Variants in DMD observed in about 807,000 individuals in gnomAD.
The protein encoded by DMD is mutant dystrophin.
DMD carries 63 observed loss-of-function variants against 330.1 expected under a neutral mutation model. That is an observed-to-expected ratio of 0.19 (90% CI 0.16 to 0.24). The LOEUF (loss-of-function observed/expected upper bound fraction) is 0.24. DMD is among the 10% of genes least tolerant of loss of function. DMD has a pLI of 1.00. For missense variants in DMD, 3,344 were observed against 2,684.1 expected (o/e 1.25, Z -5.43); for synonymous variants, 1,223 against 959.8 (o/e 1.27, Z -5.07).
At chrX:31,179,217 G>A (rs919222344) in intron 69 of DMD, among the ~76,000 whole-genome samples, 6 of 112,202 alleles carry the variant, frequency 5.3e-5, no homozygotes, top group Non-Finnish European at 5.6e-5. Flanking sequence ...ACTAAATTTC[G>A]GTCTATTCAT....
chrX:32,860,061 A>C (rs1465794856), intron 2 of DMD, among the ~76,000 whole-genome samples: 1 of 111,987 alleles, frequency 8.9e-6, no homozygotes. Context: ...AAGGACCTAA[A>C]AACGAGACAG....
Position 31,368,502 on chromosome X carries a change from A to T in DMD, c.9085-19868T>A, listed in dbSNP as rs748560399. On this transcript the variant is annotated intron_variant, in intron 60 of 78. Coordinates refer to ENST00000357033, the MANE Select transcript of DMD (RefSeq NM_004006.3). ...GTATACACATGCTCTGGCTTTCCATATTTCAGGCTGTAGCTACCTATATCC... is the reference window on the plus strand; with the variant it reads ...GTATACACATGCTCTGGCTTTCCATTTTTCAGGCTGTAGCTACCTATATCC... Among the ~76,000 whole-genome samples, 4 of 111,717 alleles carry T rather than the reference A, an allele frequency of 3.6e-5. No homozygotes were observed. In the Admixed American group the frequency reaches 3.8e-4, roughly 11 times the overall value.
At chrX:32,782,755 T>C (rs1172607030) in intron 7 of DMD, among the ~76,000 whole-genome samples, 1 of 109,186 alleles carries the variant, frequency 9.2e-6, no homozygotes. Flanking sequence ...ACTTCAAGAG[T>C]GTAATTAGTT....
Position 32,381,788 on chromosome X carries a change from CCTT to C in DMD, c.4675-1111_4675-1109del, listed in dbSNP as rs764138519. Among the ~76,000 whole-genome samples the C allele has an allele frequency of 3.6e-5, 4 of 110,850 alleles. No homozygotes were observed. The East Asian group carries it at 8.5e-4, about 24-fold the overall frequency. On this transcript the variant is annotated intron_variant, in intron 33 of 78. Transcript: ENST00000357033. Reference sequence around the variant, plus strand: ...TTCTTTTCTTTGGTATGTGTTTTCACCTTTTTTTAAAAAAAACCCTTGTCTGTC... The same window carrying C: ...TTCTTTTCTTTGGTATGTGTTTTCACTTTTTAAAAAAAACCCTTGTCTGTC...
chrX:32,461,014 C>T (rs746618092), intron 25 of DMD, among the ~76,000 whole-genome samples: 1 of 111,024 alleles, frequency 9.0e-6, no homozygotes, highest in Admixed American at 9.6e-5. Context: ...ATATACATAC[C>T]CTTTAAAATT....
chrX:31,901,453 T>C (rs2094421235), intron 47 of DMD, among the ~76,000 whole-genome samples: 1 of 111,701 alleles, frequency 9.0e-6, no homozygotes, highest in African/African-American at 3.2e-5. Flanking sequence ...CAAGGCCATT[T>C]TGCTTCTGCT....
chrX:32,310,545 A>G lies in DMD; in HGVS notation c.5923-269T>C, dbSNP rs974158812. Reference sequence around the variant, plus strand: ...ATATAAGACGAAAGACCATGAGGTCATAAGGAGAGTAGTTTTATCCTAAGA... The same window carrying G: ...ATATAAGACGAAAGACCATGAGGTCGTAAGGAGAGTAGTTTTATCCTAAGA... On this transcript the variant is annotated intron_variant, in intron 41 of 78. Transcript: ENST00000357033. 4.5e-5 allele frequency among the ~76,000 whole-genome samples: 5 copies of G among 111,626 alleles called. No homozygotes were observed. The Admixed American group carries it at 4.8e-4, about 11-fold the overall frequency.
At chrX:32,344,302 C>T (rs1299841977) in intron 39 of DMD, among the ~76,000 whole-genome samples, 1 of 111,586 alleles carries the variant, frequency 9.0e-6, no homozygotes, top group Non-Finnish European at 1.9e-5. Context: ...TTTTGACCTT[C>T]TCTAAAATAT....
intron 45 of DMD, among the ~76,000 whole-genome samples, chrX:31,950,510 G>A (rs1477269567): frequency 9.0e-6 from 1 of 110,792 alleles, no homozygotes; most frequent in Admixed American, 9.7e-5. Context: ...CAAGCTGGTT[G>A]ATAGTGTTGG....
chrX:32,432,804 T>C (rs1485604541), intron 29 of DMD, among the ~76,000 whole-genome samples: 1 of 112,433 alleles, frequency 8.9e-6, no homozygotes, highest in Non-Finnish European at 1.9e-5. Context: ...TGTTCTTCCG[T>C]TCTGGTCTAT....
At chrX:31,539,825 G>A (rs1293193348) in intron 55 of DMD, among the ~76,000 whole-genome samples, 3 of 112,101 alleles carry the variant, frequency 2.7e-5, no homozygotes, top group Non-Finnish European at 5.6e-5. Context: ...TGGTCATGGT[G>A]CTAGATACTG....
intron 53 of DMD, among the ~76,000 whole-genome samples, chrX:31,675,659 C>A (rs527549237): frequency 1.8e-5 from 2 of 111,474 alleles, no homozygotes; most frequent in African/African-American, 6.5e-5. Flanking sequence ...CCGCGCCCGG[C>A]CTCACCATTC....
At chrX:32,540,166 T>G (rs760065368) in intron 17 of DMD, among the ~76,000 whole-genome samples, 90 of 111,493 alleles carry the variant, frequency 8.1e-4, no homozygotes, top group Non-Finnish European at 1.5e-3. Flanking sequence ...AACTAGATAA[T>G]AGATCTAGTT....
rs139508108 is a variant in DMD, at chrX:31,872,597, A to C, written c.7098+2591T>G. ...GAGTATTTTTTAAACTATTATAATA[A>C]AGAGGCACATTTTAACCAAAGATTG... On this transcript the variant is annotated intron_variant, in intron 48 of 78. Coordinates refer to ENST00000357033, the MANE Select transcript of DMD (RefSeq NM_004006.3). Among the ~76,000 whole-genome samples, 23 of 111,875 alleles carry C rather than the reference A, an allele frequency of 2.1e-4. No homozygotes were observed. The East Asian group carries it at 6.5e-3, about 32-fold the overall frequency.
chrX:32,142,679 A>C (rs1402599458), intron 44 of DMD, among the ~76,000 whole-genome samples: 1 of 112,447 alleles, frequency 8.9e-6, no homozygotes, highest in South Asian at 3.7e-4. Flanking sequence ...ATTTTACTCC[A>C]TGCTACGACC....
At chrX:32,866,742 TGGGG>T (rs61420337) in intron 2 of DMD, among the ~76,000 whole-genome samples, 1 of 37,303 alleles carries the variant, frequency 2.7e-5, no homozygotes, top group South Asian at 2.1e-3. Context: ...GGTGGGGGGG[TGGGG>T]GGGGGGGGAC....
chrX:32,046,309 G>C (rs1324156215), intron 44 of DMD, among the ~76,000 whole-genome samples: 2 of 112,247 alleles, frequency 1.8e-5, no homozygotes, highest in Non-Finnish European at 3.8e-5. Context: ...GGAAGAACAT[G>C]GATTCCATTA....
intron 63 of DMD, among the ~76,000 whole-genome samples, chrX:31,259,737 T>A (rs1286041963): frequency 3.6e-5 from 4 of 111,600 alleles, no homozygotes; most frequent in African/African-American, 1.3e-4. Flanking sequence ...ATTTTTTGGC[T>A]AATATCTCTT....
At chrX:33,337,285 C>T (rs1285150057) in intron 1 of DMD, among the ~76,000 whole-genome samples, 1 of 111,306 alleles carries the variant, frequency 9.0e-6, no homozygotes, top group Non-Finnish European at 1.9e-5. Context: ...TGAATGGTCA[C>T]TTAAAACGGT....
Sources: allele counts gnomAD v4.1 joint callset (sites outside exome capture counted in the v4.1 genomes callset), GRCh38; gene constraint gnomAD v4.1.1; transcripts MANE v1.5; gene names NCBI Gene and HGNC (gene_info 2026-07-23, HGNC 2026-07-21).